Variants in HOXD9 observed in about 807,000 individuals in gnomAD.
HOXD9 encodes the protein homeobox D9, also known as homeobox protein Hox-D9.
HOXD9 carries 21 observed loss-of-function variants against 24.6 expected under a neutral mutation model. That is an observed-to-expected ratio of 0.85 (90% CI 0.61 to 1.23). The LOEUF (loss-of-function observed/expected upper bound fraction) is 1.23, where lower values mean the gene tolerates loss of function less well. Among genes scored for constraint, HOXD9 ranks in the 50% most tolerant of loss-of-function variants. The probability of loss-of-function intolerance (pLI) is 0.00; values close to 1 mark genes in which losing one functional copy is unlikely to be tolerated. For synonymous variants in HOXD9, 240 were observed against 226.4 expected (o/e 1.06, Z -0.54); for missense variants, 503 against 503.6 (o/e 1.00, Z 0.01).
At position 176,123,550 on chromosome 2, in the gene HOXD9, A is replaced by C; in HGVS notation, c.782A>C (p.Gln261Pro). The part of the protein sequence containing the change: ...PGCSLKEEEK[Q>P]HSQPQQQQLD... ...TGTTCGCTGAAGGAGGAGGAGAAGC[A>C]GCATTCGCAGCCGCAGCAGCAGCAA... Residue 261 changes from glutamine (Q) to proline (P), a missense_variant, in exon 1 of 2, where the codon CAG (glutamine) becomes CCG (proline). Gln to Pro is a moderately conservative substitution (Grantham distance 76). Transcript: ENST00000249499. The surrounding 1 kb of genome is among the most constrained non-coding windows in gnomAD (Gnocchi z 4.2). 1 of 1,476,898 alleles carries C rather than the reference A, an allele frequency of 6.8e-7. No homozygotes were observed. The highest frequency in any genetic ancestry group is 9.0e-7 in the Non-Finnish European group (1 of 1,112,818). 91.5% of individuals were successfully genotyped at this position (1,476,898 alleles called of 1,614,324 possible).
In HOXD9 at chr2:176,124,059, C is replaced by A; in HGVS notation, c.943C>A (p.Arg315Ser). Residue 315 changes from arginine (R) to serine (S), a missense_variant, in exon 2 of 2, where the codon CGC becomes AGC. Physicochemically the swap from Arg to Ser is moderately radical, Grantham distance 110. Transcript: ENST00000249499. ...CAACATGTACCTCACCCGGGACCGG[C>A]GCTACGAGGTGGCCAGGATTCTCAA... ...LFNMYLTRDR[R>S]YEVARILNLT... is the part of the protein sequence containing the mutation. The A allele has an allele frequency of 6.2e-7, 1 of 1,614,182 alleles. No homozygotes were observed.
In HOXD9 at chr2:176,123,800, A is replaced by G; in HGVS notation, c.818-134A>G. 2 of 1,021,046 alleles carry G rather than the reference A, an allele frequency of 2.0e-6. No individual in the cohort carries two copies. Among genetic ancestry groups the G allele is most frequent in the Non-Finnish European group, 2.8e-6 (2 of 707,758 alleles). The allele number at this position is 1,021,046 out of a possible 1,614,324, so 63.2% of individuals were successfully genotyped here. On this transcript the variant is annotated intron_variant, in intron 1 of 1. Transcript: ENST00000249499. This position sits in a 1 kb window ranked among gnomAD's most constrained non-coding sequence, Gnocchi z 4.2. The stretch of plus-strand genomic sequence containing the variant: ...AGCGCGAGCATTAAGGCTTTTTATG[A>G]TAATTCCCCACAAGTTGTGAAAAGC...
chr2:176,124,267 A>G lies in HOXD9; in HGVS notation c.*92A>G. The G allele has an allele frequency of 2.0e-6, 3 of 1,473,724 alleles. No individual in the cohort carries two copies. The highest frequency in any genetic ancestry group is 2.3e-5 in the East Asian group (1 of 42,892). The allele number at this position is 1,473,724 out of a possible 1,614,324, so 91.3% of individuals were successfully genotyped here. ...GGGTGTTTGGTGCTTGATTTCCAGA[A>G]ACTCTCCAGCGACTTGGACTTCTTC... On this transcript the variant is annotated 3_prime_UTR_variant, in exon 2 of 2. Coordinates refer to ENST00000249499, the MANE Select transcript of HOXD9 (RefSeq NM_014213.4).
Position 176,123,076 on chromosome 2 carries a change from C to A in HOXD9, c.308C>A (p.Pro103Gln). 1.3e-6 allele frequency: 2 copies of A among 1,555,902 alleles called. No homozygotes were observed. The highest frequency in any genetic ancestry group is 2.6e-5 in the East Asian group (1 of 38,608). ...CTCTACCACCCGTACGTTCCCCCGC[C>A]GCCCCTGGCCGCCTCTGCCTCCGAG... ...SGLYHPYVPP[P>Q]PLAASASEPG... The change falls in exon 1 of 2, where the codon CCG becomes CAG. Residue 103 changes from proline to glutamine, a missense_variant. Physicochemically the swap from Pro to Gln is moderately conservative, Grantham distance 76. Coordinates refer to ENST00000249499, the MANE Select transcript of HOXD9 (RefSeq NM_014213.4). This position sits in a 1 kb window ranked among gnomAD's most constrained non-coding sequence, Gnocchi z 4.2.
rs775221055 is a variant in HOXD9 at position 176,124,222 on chromosome 2, T to C, written c.*47T>C. On this transcript the variant is annotated 3_prime_UTR_variant, in exon 2 of 2. Coordinates refer to ENST00000249499, the MANE Select transcript of HOXD9 (RefSeq NM_014213.4). Reference sequence around the variant, plus strand: ...GCGCTCAAGGGCAGCGGATTTGTTGTTGTTGCTGTTTTCCTTTGTGGGTGT... The same window carrying C: ...GCGCTCAAGGGCAGCGGATTTGTTGCTGTTGCTGTTTTCCTTTGTGGGTGT... 2.6e-6 allele frequency: 4 copies of C among 1,535,814 alleles called. No homozygotes were observed. In the Admixed American group the frequency reaches 8.0e-5, roughly 31 times the overall value.
Position 176,122,730 on chromosome 2 carries a change from C to T in HOXD9, c.-39C>T, listed in dbSNP as rs760904643. 33 of 1,454,104 alleles carry T rather than the reference C, an allele frequency of 2.3e-5. No homozygotes were observed. The Admixed American group carries it at 4.7e-4, about 21-fold the overall frequency. 90.1% of individuals were successfully genotyped at this position (1,454,104 alleles called of 1,614,324 possible). On this transcript the variant is annotated 5_prime_UTR_variant, in exon 1 of 2. Coordinates refer to ENST00000249499, the MANE Select transcript of HOXD9 (RefSeq NM_014213.4). ...GCAGCCTGCGAACTAGTCGGTGGCT[C>T]GGGCGCCGGCGGGGAGCTGCTCGGC... is the stretch of plus-strand genomic sequence containing the variant.
rs754248988 is a variant in HOXD9 at position 176,123,055 on chromosome 2, ACC to A, written c.288_289del (p.Tyr96Ter). 2 of 1,576,028 alleles carry A rather than the reference ACC, an allele frequency of 1.3e-6. No individual in the cohort carries two copies. Among genetic ancestry groups the A allele is most frequent in the Admixed American group, 3.6e-5 (2 of 56,240 alleles). On this transcript the variant is annotated stop_gained and frameshift_variant, in exon 1 of 2. Transcript: ENST00000249499. LOFTEE classifies it high-confidence loss of function. The surrounding 1 kb of genome is among the most constrained non-coding windows in gnomAD (Gnocchi z 4.2). Reference sequence around the variant, plus strand: ...GCAGCGGCGGCGATGAGCGGCCTCTACCACCCGTACGTTCCCCCGCCGCCCCT... The same window carrying A: ...GCAGCGGCGGCGATGAGCGGCCTCTAACCCGTACGTTCCCCCGCCGCCCCT...
rs892497341 is a variant in HOXD9 at position 176,123,652 on chromosome 2, GAT to G, written c.817+69_817+70del. ...CTGTAAGGCTCGAATGTGCAAAACT[GAT>G]AGTTTTACTAACCTATAAAAACGTC... On this transcript the variant is annotated intron_variant, in intron 1 of 1. Coordinates refer to ENST00000249499, the MANE Select transcript of HOXD9 (RefSeq NM_014213.4). This position sits in a 1 kb window ranked among gnomAD's most constrained non-coding sequence, Gnocchi z 4.2. The G allele has an allele frequency of 6.0e-5, 88 of 1,467,522 alleles. No homozygotes were observed. Among genetic ancestry groups the G allele is most frequent in the Non-Finnish European group, 7.9e-5 (88 of 1,107,636 alleles). The allele number at this position is 1,467,522 out of a possible 1,614,324, so 90.9% of individuals were successfully genotyped here. A position where few individuals can be genotyped will look rare whatever the true frequency, so the allele number is the denominator to read the frequency against.
Position 176,123,558 on chromosome 2 carries a change from C to T in HOXD9, c.790C>T (p.Gln264Ter). 1 of 1,468,436 alleles carries T rather than the reference C, an allele frequency of 6.8e-7. No individual in the cohort carries two copies. Among genetic ancestry groups the T allele is most frequent in the African/African-American group, 1.4e-5 (1 of 69,064 alleles). 91.0% of individuals were successfully genotyped at this position (1,468,436 alleles called of 1,614,324 possible). A position where few individuals can be genotyped will look rare whatever the true frequency, so the allele number is the denominator to read the frequency against. Residue 264 changes from glutamine to a stop codon, truncating the protein, a stop_gained, in exon 1 of 2, where the codon CAG (glutamine) becomes TAG (stop). Transcript: ENST00000249499. LOFTEE classifies it high-confidence loss of function. This position sits in a 1 kb window ranked among gnomAD's most constrained non-coding sequence, Gnocchi z 4.2. ...GAAGGAGGAGGAGAAGCAGCATTCG[C>T]AGCCGCAGCAGCAGCAACTTGACCC... ...SLKEEEKQHS[Q>*]PQQQQLDPNN...
rs138258352 is a variant in HOXD9, at chr2:176,124,068, G to A, written c.952G>A (p.Val318Met). Residue 318 changes from valine to methionine, a missense_variant, in exon 2 of 2, where the codon GTG becomes ATG. Coordinates refer to ENST00000249499, the MANE Select transcript of HOXD9 (RefSeq NM_014213.4). ...CCTCACCCGGGACCGGCGCTACGAG[G>A]TGGCCAGGATTCTCAACCTAACAGA... ...MYLTRDRRYE[V>M]ARILNLTERQ... is the part of the protein sequence containing the mutation. 2.1e-4 allele frequency: 341 copies of A among 1,614,146 alleles called. 1 individual carries two copies. The African/African-American group carries it at 4.0e-3, about 19-fold the overall frequency.
rs1227654953 is a variant in HOXD9 at position 176,124,624 on chromosome 2, A to G, written c.*449A>G. 6.5e-6 allele frequency: 1 copy of G among 153,606 alleles called. No individual in the cohort carries two copies. Among genetic ancestry groups the G allele is most frequent in the Non-Finnish European group, 1.5e-5 (1 of 68,774 alleles). The allele number at this position is 153,606 out of a possible 1,614,324, so 9.5% of individuals were successfully genotyped here. On this transcript the variant is annotated 3_prime_UTR_variant, in exon 2 of 2. Coordinates refer to ENST00000249499, the MANE Select transcript of HOXD9 (RefSeq NM_014213.4). ...TGAAGGCAGAGCGACAACAGTGCGG[A>G]CACCCCGGCTGCTAGCCCACGGTGA...
chr2:176,122,759 G>C lies in HOXD9; in HGVS notation c.-10G>C, dbSNP rs1287352806. On this transcript the variant is annotated 5_prime_UTR_variant, in exon 1 of 2. Transcript: ENST00000249499. ...CGCCGGCGGGGAGCTGCTCGGCGGC[G>C]GACAGTGTAATGTTGGGTGGGAGTG... 1 of 1,472,040 alleles carries C rather than the reference G, an allele frequency of 6.8e-7. No homozygotes were observed. The highest frequency in any genetic ancestry group is 9.0e-7 in the Non-Finnish European group (1 of 1,113,052). 91.2% of individuals were successfully genotyped at this position (1,472,040 alleles called of 1,614,324 possible). A position where few individuals can be genotyped will look rare whatever the true frequency, so the allele number is the denominator to read the frequency against.
rs1689930313 is a variant in HOXD9, at chr2:176,124,094, GAGAC to G, written c.981_984del (p.Gln328SerfsTer10). 1.2e-6 allele frequency: 2 copies of G among 1,614,160 alleles called. No homozygotes were observed. The highest frequency in any genetic ancestry group is 1.7e-6 in the Non-Finnish European group (2 of 1,180,018). On this transcript the variant is annotated frameshift_variant, in exon 2 of 2. Coordinates refer to ENST00000249499, the MANE Select transcript of HOXD9 (RefSeq NM_014213.4). LOFTEE classifies it high-confidence loss of function. ...TGGCCAGGATTCTCAACCTAACAGAGAGACAGGTCAAAATCTGGTTTCAGAACCG... is the reference window on the plus strand; with the variant it reads ...TGGCCAGGATTCTCAACCTAACAGAGAGGTCAAAATCTGGTTTCAGAACCG...
At position 176,123,158 on chromosome 2, in the gene HOXD9, G is replaced by GGGCGGT. The variant is rs878866381; in HGVS notation, c.399_404dup (p.Gly139_Gly140dup). On this transcript the variant is annotated inframe_insertion, in exon 1 of 2. Coordinates refer to ENST00000249499, the MANE Select transcript of HOXD9 (RefSeq NM_014213.4). The surrounding 1 kb of genome is among the most constrained non-coding windows in gnomAD (Gnocchi z 4.2). ...CGCTGCCCGGCTTCCCGGGCGGTGC[G>GGGCGGT]GGCGGTGGCGGTGGTGGTGGAGGCG... is the stretch of plus-strand genomic sequence containing the variant. 17 of 1,410,422 alleles carry GGGCGGT rather than the reference G, an allele frequency of 1.2e-5. No homozygotes were observed. The highest frequency in any genetic ancestry group is 9.8e-5 in the South Asian group (6 of 61,384). The allele number at this position is 1,410,422 out of a possible 1,614,324, so 87.4% of individuals were successfully genotyped here.
chr2:176,123,926 C>T lies in HOXD9; in HGVS notation c.818-8C>T. The T allele has an allele frequency of 6.2e-7, 1 of 1,606,988 alleles. No individual in the cohort carries two copies. Among genetic ancestry groups the T allele is most frequent in the Non-Finnish European group, 8.5e-7 (1 of 1,174,120 alleles). ...TCTCTCCCCGTCTCCAAACCTCCCT[C>T]TTTGTAGACAACCCCGCCGCGAACT... On this transcript the variant is annotated splice_polypyrimidine_tract_variant and splice_region_variant and intron_variant, in intron 1 of 1. Coordinates refer to ENST00000249499, the MANE Select transcript of HOXD9 (RefSeq NM_014213.4). This position sits in a 1 kb window ranked among gnomAD's most constrained non-coding sequence, Gnocchi z 4.2.
chr2:176,124,292 C>CT lies in HOXD9; in HGVS notation c.*119dup, dbSNP rs373038108. Reference sequence around the variant, plus strand: ...AACTCTCCAGCGACTTGGACTTCTTCTTCTTTTTTTTTTTCTTTTTAGATA... The same window carrying CT: ...AACTCTCCAGCGACTTGGACTTCTTCTTTCTTTTTTTTTTTCTTTTTAGATA... On this transcript the variant is annotated 3_prime_UTR_variant, in exon 2 of 2. Coordinates refer to ENST00000249499, the MANE Select transcript of HOXD9 (RefSeq NM_014213.4). 97,737 of 1,057,670 alleles carry CT rather than the reference C, an allele frequency of 0.092. 225 individuals are homozygous for CT. Among genetic ancestry groups the CT allele is most frequent in the Middle Eastern group, 0.1 (331 of 3,198 alleles). 65.5% of individuals were successfully genotyped at this position (1,057,670 alleles called of 1,614,324 possible).
Position 176,124,063 on chromosome 2 carries a change from A to G in HOXD9, c.947A>G (p.Tyr316Cys), listed in dbSNP as rs1689929492. 6.2e-7 allele frequency: 1 copy of G among 1,614,058 alleles called. No individual in the cohort carries two copies. The highest frequency in any genetic ancestry group is 1.3e-5 in the African/African-American group (1 of 74,930). ...ATGTACCTCACCCGGGACCGGCGCT[A>G]CGAGGTGGCCAGGATTCTCAACCTA... is the stretch of plus-strand genomic sequence containing the variant. The part of the protein sequence containing the change: ...FNMYLTRDRR[Y>C]EVARILNLTE... The change falls in exon 2 of 2, where the codon TAC (tyrosine) becomes TGC (cysteine). Residue 316 changes from tyrosine to cysteine, a missense_variant. Coordinates refer to ENST00000249499, the MANE Select transcript of HOXD9 (RefSeq NM_014213.4).
Position 176,123,394 on chromosome 2 carries a change from G to C in HOXD9, c.626G>C (p.Cys209Ser), listed in dbSNP as rs1480658739. 1.3e-6 allele frequency: 2 copies of C among 1,554,634 alleles called. No homozygotes were observed. The highest frequency in any genetic ancestry group is 3.9e-5 in the Admixed American group (2 of 51,406). The change falls in exon 1 of 2, where the codon TGC (cysteine) becomes TCC (serine). Residue 209 changes from cysteine to serine, a missense_variant. Transcript: ENST00000249499. This position sits in a 1 kb window ranked among gnomAD's most constrained non-coding sequence, Gnocchi z 4.2. Reference protein sequence around the residue: ...SQGSSGPEFSCNSFLQEKAAA... With the variant: ...SQGSSGPEFSSNSFLQEKAAA... The stretch of plus-strand genomic sequence containing the variant: ...GGGAGCAGCGGCCCCGAGTTCTCGT[G>C]CAACTCGTTCCTGCAGGAGAAGGCG...
rs141233271 is a variant in HOXD9 at position 176,124,377 on chromosome 2, G to C, written c.*202G>C. ...GGGGACTCTGTATTTGCTCGTTTAC[G>C]TGTTGGAAAAACCAAGTGGCTTTGG... On this transcript the variant is annotated 3_prime_UTR_variant, in exon 2 of 2. Coordinates refer to ENST00000249499, the MANE Select transcript of HOXD9 (RefSeq NM_014213.4). 1.4e-6 allele frequency: 1 copy of C among 701,780 alleles called. No homozygotes were observed. The highest frequency in any genetic ancestry group is 3.4e-5 in the East Asian group (1 of 29,614). 43.5% of individuals were successfully genotyped at this position (701,780 alleles called of 1,614,324 possible).
Sources: allele counts gnomAD v4.1 joint callset, GRCh38; gene constraint gnomAD v4.1.1; non-coding constraint Gnocchi (gnomAD v3.1); transcripts MANE v1.5; gene names NCBI Gene and HGNC (gene_info 2026-07-23, HGNC 2026-07-21).